DACH1: variants seen among roughly 807,000 people sequenced by gnomAD.
The protein encoded by DACH1 is dachshund homolog 1.
In DACH1, 12 loss-of-function variants were observed where a neutral mutation model predicts 54.2. The observed-to-expected ratio is 0.22, with a 90% CI of 0.14 to 0.36. The LOEUF is 0.36. Among genes scored for constraint, DACH1 ranks in the 10% least tolerant of loss-of-function variants. DACH1 has a pLI of 1.00. For missense variants in DACH1, 805 were observed against 929.8 expected, an observed-to-expected ratio of 0.87 and a Z score of 1.75; for synonymous variants, 386 against 366.2, an observed-to-expected ratio of 1.05 and a Z score of -0.62.
intron 1 of DACH1, among the ~76,000 whole-genome samples, chr13:71,736,845 TG>T (rs1236052833): frequency 6.6e-6 from 1 of 152,226 alleles, no homozygotes; most frequent in Non-Finnish European, 1.5e-5. Flanking sequence ...TGCTCAGCTC[TG>T]TAGTAAACAA....
chr13:71,705,319 C>T (rs994968197), intron 1 of DACH1, among the ~76,000 whole-genome samples: 1 of 152,100 alleles, frequency 6.6e-6, no homozygotes, highest in African/African-American at 2.4e-5. Context: ...AGTCCACAAC[C>T]AGAAACTAGA....
At chr13:71,522,326 G>A (rs926289337) in intron 6 of DACH1, among the ~76,000 whole-genome samples, 1 of 152,026 alleles carries the variant, frequency 6.6e-6, no homozygotes, top group South Asian at 2.1e-4. Flanking sequence ...ACTGGGGGAA[G>A]AGGGTTGAGA....
intron 1 of DACH1, among the ~76,000 whole-genome samples, chr13:71,762,173 CA>C (rs892815690): frequency 1.3e-5 from 2 of 152,058 alleles, no homozygotes; most frequent in Non-Finnish European, 2.9e-5. Flanking sequence ...GTATTGTATA[CA>C]AATGCACTAT....
At chr13:71,808,700 T>C (rs1308810959) in intron 1 of DACH1, among the ~76,000 whole-genome samples, 2 of 152,140 alleles carry the variant, frequency 1.3e-5, no homozygotes, top group African/African-American at 4.8e-5. Flanking sequence ...GTTTAGTCAA[T>C]ACAGTAAGAA....
intron 1 of DACH1, among the ~76,000 whole-genome samples, chr13:71,755,954 GTTAAATA>G (rs1312033720): frequency 6.6e-6 from 1 of 152,042 alleles, no homozygotes; most frequent in East Asian, 1.9e-4. Context: ...ACTAAAAAAT[GTTAAATA>G]TTAAAGTAAT....
chr13:71,681,668 A>AT, intron 2 of DACH1, 127 bp downstream of exon 2: 4 of 518,796 alleles, frequency 7.7e-6, no homozygotes. Context: ...TATCTCAGTA[A>AT]CATTATCTTA....
chr13:71,463,360 C>T (rs538600435), intron 10 of DACH1, among the ~76,000 whole-genome samples: 2 of 151,890 alleles, frequency 1.3e-5, no homozygotes, highest in Non-Finnish European at 2.9e-5. Context: ...ATGAATCCTA[C>T]AGGAAACTTA....
rs140249784 is a variant in DACH1 at position 71,476,038 on chromosome 13, C to G, written c.1871-189G>C. On this transcript the variant is annotated intron_variant, in intron 8 of 10. Coordinates refer to ENST00000613252, the MANE Select transcript of DACH1 (RefSeq NM_080759.6). ...AATTCCCAGTAAAATAATAAGAAAG[C>G]CAATTTTTATTTTAGCCTAGAACTA... Among the ~76,000 whole-genome samples the G allele has an allele frequency of 2.6e-3, 394 of 152,020 alleles. 2 individuals are homozygous for G. The highest frequency in any genetic ancestry group is 0.017 in the East Asian group (86 of 5,170).
At chr13:71,782,387 A>G (rs1030377581) in intron 1 of DACH1, among the ~76,000 whole-genome samples, 9 of 152,296 alleles carry the variant, frequency 5.9e-5, no homozygotes, top group Admixed American at 4.6e-4. Context: ...GGTTGAAGTC[A>G]GTGCAGACCA....
At chr13:71,543,165 G>T (rs535151369) in intron 6 of DACH1, among the ~76,000 whole-genome samples, 20 of 152,236 alleles carry the variant, frequency 1.3e-4, no homozygotes, top group African/African-American at 4.6e-4. Context: ...AATTTAGGTT[G>T]TATGTTTATT....
intron 3 of DACH1, among the ~76,000 whole-genome samples, chr13:71,580,781 A>T (rs971272031): frequency 5.3e-5 from 8 of 152,128 alleles, no homozygotes; most frequent in East Asian, 3.9e-4. Flanking sequence ...AATCCACTTT[A>T]TCTGCTCATC....
chr13:71,544,072 G>C (rs756872935), intron 6 of DACH1, among the ~76,000 whole-genome samples: 1 of 152,026 alleles, frequency 6.6e-6, no homozygotes, highest in Admixed American at 6.6e-5. Context: ...CTCTTAATAC[G>C]ATAGTGATTT....
chr13:71,633,969 TCC>T (rs1206748129), intron 2 of DACH1, among the ~76,000 whole-genome samples: 1 of 136,440 alleles, frequency 7.3e-6, no homozygotes, highest in Admixed American at 7.5e-5. Flanking sequence ...TCTTTTTTCT[TCC>T]TTTTTTTTTT....
chr13:71,816,385 A>G (rs894945541), intron 1 of DACH1, among the ~76,000 whole-genome samples: 1 of 151,810 alleles, frequency 6.6e-6, no homozygotes, highest in Non-Finnish European at 1.5e-5. Context: ...GAGAAGATAT[A>G]CCATTTGACC....
chr13:71,850,970 A>G (rs747275034), intron 1 of DACH1, among the ~76,000 whole-genome samples: 4 of 152,236 alleles, frequency 2.6e-5, no homozygotes, highest in Non-Finnish European at 5.9e-5. Flanking sequence ...CTATTGTACT[A>G]GTTCAAAAGA....
At chr13:71,517,848 T>C (rs1342336022) in intron 6 of DACH1, among the ~76,000 whole-genome samples, 10 of 151,908 alleles carry the variant, frequency 6.6e-5, no homozygotes, top group African/African-American at 2.2e-4. Flanking sequence ...CACTTTATTT[T>C]CCTATACCAA....
intron 1 of DACH1, among the ~76,000 whole-genome samples, chr13:71,816,591 T>TAC (rs1232721128): frequency 5.9e-5 from 6 of 101,304 alleles, no homozygotes; most frequent in Admixed American, 1.1e-4. Flanking sequence ...CGTATATATA[T>TAC]ACACACATAT....
At chr13:71,787,689 C>T (rs1886659079) in intron 1 of DACH1, among the ~76,000 whole-genome samples, 2 of 152,158 alleles carry the variant, frequency 1.3e-5, no homozygotes, top group Admixed American at 1.3e-4. Flanking sequence ...GCACGCACCC[C>T]TTACTAGGCA....
rs143708070 is a variant in DACH1 at position 71,834,888 on chromosome 13, C to A, written c.848+31034G>T. Among the ~76,000 whole-genome samples the A allele has an allele frequency of 7.0e-4, 106 of 152,156 alleles. 1 individual carries two copies. Among genetic ancestry groups the A allele is most frequent in the African/African-American group, 2.4e-3 (98 of 41,544 alleles). On this transcript the variant is annotated intron_variant, in intron 1 of 10. Transcript: ENST00000613252. Reference sequence around the variant, plus strand: ...TTGTCGGCATTCTGAAAATCCCAGGCATTGCATTTTTACCTCTGCTTTTTC... The same window carrying A: ...TTGTCGGCATTCTGAAAATCCCAGGAATTGCATTTTTACCTCTGCTTTTTC...
Sources: allele counts gnomAD v4.1 joint callset (sites outside exome capture counted in the v4.1 genomes callset), GRCh38; gene constraint gnomAD v4.1.1; transcripts MANE v1.5; gene names NCBI Gene and HGNC (gene_info 2026-07-23, HGNC 2026-07-21).